The following CCDC91 variants were observed in gnomAD, a reference collection of about 807,000 sequenced individuals.
CCDC91 encodes the protein coiled-coil domain containing 91, also known as coiled-coil domain-containing protein 91.
CCDC91 carries 48 observed loss-of-function variants against 63.2 expected under a neutral mutation model. The ratio of observed to expected loss-of-function variants is 0.76; its 90% confidence interval spans 0.60 to 0.97. The LOEUF (loss-of-function observed/expected upper bound fraction) is 0.97, where lower values mean the gene tolerates loss of function less well. Ranked by LOEUF, CCDC91 falls within the 50% of genes least tolerant of loss-of-function variation. The pLI, the probability that CCDC91 is intolerant of heterozygous loss-of-function variation, is 0.00. For missense variants in CCDC91, 500 were observed against 494.6 expected, an observed-to-expected ratio of 1.01 and a Z score of -0.10; for synonymous variants, 167 against 165.8, an observed-to-expected ratio of 1.01 and a Z score of -0.06.
intron 3 of CCDC91, among the ~76,000 whole-genome samples, chr12:28,284,671 A>C (rs1001386010): frequency 6.6e-6 from 1 of 152,054 alleles, no homozygotes; most frequent in Non-Finnish European, 1.5e-5. Flanking sequence ...AAAAAAGAAA[A>C]AGAAATAGTG....
chr12:28,434,794 T>A (rs1247245114), intron 8 of CCDC91, among the ~76,000 whole-genome samples: 1 of 151,612 alleles, frequency 6.6e-6, no homozygotes, highest in Non-Finnish European at 1.5e-5. Flanking sequence ...GTTAATGTTT[T>A]GATTAAATTT....
chr12:28,311,142 C>A (rs1403017751), intron 6 of CCDC91, among the ~76,000 whole-genome samples: 2 of 151,964 alleles, frequency 1.3e-5, no homozygotes, highest in East Asian at 1.9e-4. Context: ...ACTCAGCCCC[C>A]TTTGACACCC....
At chr12:28,362,590 C>G in intron 7 of CCDC91, 75 bp downstream of exon 7, 1 of 781,030 alleles carries the variant, frequency 1.3e-6, no homozygotes, top group East Asian at 2.9e-5. Flanking sequence ...TAGGTATGTG[C>G]AAACATATAC....
intron 6 of CCDC91, among the ~76,000 whole-genome samples, chr12:28,317,302 A>G (rs993761021): frequency 2.0e-5 from 3 of 152,024 alleles, no homozygotes; most frequent in African/African-American, 7.2e-5. Flanking sequence ...TGTTAATACC[A>G]TATTCTTAGA....
At chr12:28,368,830 AAGAGAG>A (rs140061205) in intron 7 of CCDC91, among the ~76,000 whole-genome samples, 47 of 148,628 alleles carry the variant, frequency 3.2e-4, no homozygotes, top group Admixed American at 5.4e-4. Flanking sequence ...GAGAGAGAGA[AAGAGAG>A]AGAGAGAGAG....
At chr12:28,509,047 G>C (rs1939069708) in intron 12 of CCDC91, among the ~76,000 whole-genome samples, 1 of 151,888 alleles carries the variant, frequency 6.6e-6, no homozygotes, top group African/African-American at 2.4e-5. Flanking sequence ...ACTTCTATCT[G>C]CCATAGCAGT....
chr12:28,267,915 A>T (rs1158488415), intron 3 of CCDC91, among the ~76,000 whole-genome samples: 1 of 96,064 alleles, frequency 1.0e-5, no homozygotes, highest in South Asian at 2.6e-4. Context: ...TATTATATAT[A>T]ATTATTATAA....
In CCDC91 at chr12:28,276,073, G is replaced by T. The variant is rs1162932448; in HGVS notation, c.109+16631G>T. On this transcript the variant is annotated intron_variant, in intron 3 of 12. Transcript: ENST00000536442. ...TTGAAAACTGGCACAAGACAGGGAT[G>T]CCCTCTCTCACCACTCCTAAAAATT... Among the ~76,000 whole-genome samples, 3 of 152,054 alleles carry T rather than the reference G, an allele frequency of 2.0e-5. No homozygotes were observed. In the East Asian group the frequency reaches 5.8e-4, roughly 29 times the overall value.
At chr12:28,256,176 ACTC>A (rs1388807065) in intron 1 of CCDC91, 1 of 151,850 alleles carries the variant, frequency 6.6e-6, no homozygotes, top group Non-Finnish European at 1.5e-5. Context: ...ACAAAGACAA[ACTC>A]CTGTCATGGG....
chr12:28,443,249 AAAAG>A (rs1277434725), intron 8 of CCDC91, among the ~76,000 whole-genome samples: 5 of 151,850 alleles, frequency 3.3e-5, no homozygotes, highest in Admixed American at 6.6e-5. Context: ...AAAAAAAAAA[AAAAG>A]AGAGTTAAGC....
chr12:28,313,075 G>C (rs1939487591), intron 6 of CCDC91, among the ~76,000 whole-genome samples: 1 of 151,940 alleles, frequency 6.6e-6, no homozygotes, highest in Non-Finnish European at 1.5e-5. Flanking sequence ...TCTTATTTAT[G>C]ACATATTTTC....
intron 8 of CCDC91, among the ~76,000 whole-genome samples, chr12:28,407,999 G>A (rs1400520338): frequency 2.0e-5 from 3 of 148,512 alleles, no homozygotes; most frequent in Middle Eastern, 3.2e-3. Flanking sequence ...TAAGTTCTGG[G>A]ATACATGTGC....
chr12:28,288,432 C>CT (rs1949032935), intron 3 of CCDC91, among the ~76,000 whole-genome samples: 1 of 151,962 alleles, frequency 6.6e-6, no homozygotes, highest in Non-Finnish European at 1.5e-5. Context: ...TATCAAAAGC[C>CT]TTTTTTTGCA....
At chr12:28,307,858 G>C in intron 6 of CCDC91, 109 bp downstream of exon 6, 1 of 665,340 alleles carries the variant, frequency 1.5e-6, no homozygotes, top group Non-Finnish European at 2.6e-6. Flanking sequence ...TCAGATACTT[G>C]CTTAAATATA....
In CCDC91 at chr12:28,306,857, A is replaced by G. The variant is rs371532423; in HGVS notation, c.383A>G (p.Asn128Ser). 1.2e-6 allele frequency: 2 copies of G among 1,612,122 alleles called. No homozygotes were observed. The highest frequency in any genetic ancestry group is 1.7e-6 in the Non-Finnish European group (2 of 1,178,672). Residue 128 changes from asparagine (N) to serine (S), a missense_variant, in exon 5 of 13, where the codon AAT becomes AGT. Transcript: ENST00000536442. ...LVDDSEDPGA[N>S]VSNIQLQQKI... ...GATGATTCTGAGGATCCTGGAGCCA[A>G]TGTATCTAACATACAGCTTCAGCAA...
At chr12:28,516,987 G>A (rs1940020325) in intron 12 of CCDC91, among the ~76,000 whole-genome samples, 1 of 151,916 alleles carries the variant, frequency 6.6e-6, no homozygotes, top group South Asian at 2.1e-4. Flanking sequence ...CAGAAATAGA[G>A]ATGTGAAAAG....
At chr12:28,503,756 T>TA (rs1282843952) in intron 12 of CCDC91, among the ~76,000 whole-genome samples, 1 of 152,012 alleles carries the variant, frequency 6.6e-6, no homozygotes. Flanking sequence ...TATGCAGCCA[T>TA]AAAAAATGAT....
chr12:28,199,885 C>T (rs553378396), intron 1 of CCDC91, among the ~76,000 whole-genome samples: 38 of 152,156 alleles, frequency 2.5e-4, no homozygotes, highest in African/African-American at 5.5e-4. Context: ...CTTTATGTTT[C>T]GAAAGTTTGG....
chr12:28,272,416 CT>C (rs1431737981), intron 3 of CCDC91, among the ~76,000 whole-genome samples: 181 of 130,344 alleles, frequency 1.4e-3, no homozygotes, highest in Non-Finnish European at 1.9e-3. Context: ...AGTAAAGTCG[CT>C]TTTTTTTTTT....
Sources: gnomAD v4.1 joint callset for allele counts (sites outside exome capture counted in the v4.1 genomes callset) on GRCh38, gnomAD v4.1.1 for gene constraint, MANE v1.5 for transcripts, NCBI Gene and HGNC (gene_info 2026-07-23, HGNC 2026-07-21) for gene names.